DIP2C: variants seen among roughly 807,000 people sequenced by gnomAD.
The protein encoded by DIP2C is disco-interacting protein 2 homolog C.
DIP2C carries 33 observed loss-of-function variants against 192.4 expected under a neutral mutation model. The ratio of observed to expected loss-of-function variants is 0.17; its 90% confidence interval spans 0.13 to 0.23. The LOEUF (loss-of-function observed/expected upper bound fraction) is 0.23. Ranked by LOEUF, DIP2C falls within the 10% of genes least tolerant of loss-of-function variation. DIP2C has a pLI of 1.00. For synonymous variants in DIP2C, 979 were observed against 864.1 expected (o/e 1.13, Z -2.33); for missense variants, 1,537 against 2,110.1 (o/e 0.73, Z 5.32).
chr10:614,621 C>A (rs1304737091), intron 1 of DIP2C, among the ~76,000 whole-genome samples: 1 of 152,268 alleles, frequency 6.6e-6, no homozygotes, highest in Non-Finnish European at 1.5e-5. Context: ...CCACCTACAG[C>A]TGCTGAGCCC....
intron 1 of DIP2C, among the ~76,000 whole-genome samples, chr10:578,525 A>G (rs1455770762): frequency 6.6e-6 from 1 of 152,228 alleles, no homozygotes; most frequent in Non-Finnish European, 1.5e-5. Flanking sequence ...GAACACACAC[A>G]TCAAGGAAGT....
rs1380557732 is a variant in DIP2C at position 414,911 on chromosome 10, T to A, written c.860-801A>T. Among the ~76,000 whole-genome samples, 139 of 96,788 alleles carry A rather than the reference T, an allele frequency of 1.4e-3. 6 individuals carry two copies. Among genetic ancestry groups the A allele is most frequent in the African/African-American group, 4.4e-3 (100 of 22,980 alleles). 63.5% of individuals were successfully genotyped at this position (96,788 alleles called of 152,430 possible). A position where few individuals can be genotyped will look rare whatever the true frequency, so the allele number is the denominator to read the frequency against. On this transcript the variant is annotated intron_variant, in intron 7 of 36. Transcript: ENST00000280886. ...GTGTGTATATATATATATATATTTT[T>A]TTTTTTTTTTGGTAGAGACAGGGTT...
intron 8 of DIP2C, among the ~76,000 whole-genome samples, chr10:411,761 C>A (rs948968767): frequency 6.6e-6 from 1 of 152,196 alleles, no homozygotes; most frequent in Non-Finnish European, 1.5e-5. Flanking sequence ...AATTCTCATT[C>A]GACGAGCTTG....
chr10:389,552 T>C (rs545079456), intron 13 of DIP2C, among the ~76,000 whole-genome samples: 1 of 152,284 alleles, frequency 6.6e-6, no homozygotes, highest in East Asian at 1.9e-4. Context: ...CACCCAGGGA[T>C]GAAGCTCCAC....
chr10:605,764 G>A (rs1208130777), intron 1 of DIP2C, among the ~76,000 whole-genome samples: 1 of 152,218 alleles, frequency 6.6e-6, no homozygotes, highest in Non-Finnish European at 1.5e-5. Flanking sequence ...CAATAAAAAT[G>A]CCTTCTCAGG....
At chr10:528,839 G>A (rs1035501823) in intron 1 of DIP2C, among the ~76,000 whole-genome samples, 7 of 152,282 alleles carry the variant, frequency 4.6e-5, no homozygotes, top group African/African-American at 1.7e-4. Flanking sequence ...CGTGGGGCTG[G>A]CGTCCAGGCA....
At chr10:564,318 C>T (rs779296065) in intron 1 of DIP2C, among the ~76,000 whole-genome samples, 1 of 152,076 alleles carries the variant, frequency 6.6e-6, no homozygotes, top group Non-Finnish European at 1.5e-5. Context: ...CCCACAGCTC[C>T]ATCTCCTCAA....
At chr10:447,671 A>G (rs376200153) in intron 3 of DIP2C, among the ~76,000 whole-genome samples, 3,205 of 102,874 alleles carry the variant, frequency 0.031, 107 homozygotes, top group African/African-American at 0.15. Context: ...AATCACCCCC[A>G]TTGATATTCA....
rs533559623 is a variant in DIP2C at position 410,865 on chromosome 10, G to A, written c.1058-1848C>T. ...ACTTCTCAAAGAGAAAAGGCAGGAAGTTAAGCTGCTGATATAAAGATACAG... is the reference window on the plus strand; with the variant it reads ...ACTTCTCAAAGAGAAAAGGCAGGAAATTAAGCTGCTGATATAAAGATACAG... On this transcript the variant is annotated intron_variant, in intron 8 of 36. Coordinates refer to ENST00000280886, the MANE Select transcript of DIP2C (RefSeq NM_014974.3). 2.6e-5 allele frequency among the ~76,000 whole-genome samples: 4 copies of A among 152,354 alleles called. 1 individual carries two copies. In the South Asian group the frequency reaches 8.3e-4, roughly 32 times the overall value.
chr10:596,210 T>C (rs927710872), intron 1 of DIP2C, among the ~76,000 whole-genome samples: 2 of 152,110 alleles, frequency 1.3e-5, no homozygotes, highest in Admixed American at 6.5e-5. Flanking sequence ...TTATAAATGA[T>C]AAAAAATGAT....
intron 4 of DIP2C, among the ~76,000 whole-genome samples, chr10:424,710 T>C (rs972091313): frequency 9.9e-5 from 15 of 152,124 alleles, no homozygotes; most frequent in African/African-American, 3.6e-4. Flanking sequence ...AAAAGTAAAA[T>C]TGACACAGCC....
chr10:565,342 G>A (rs1379219842), intron 1 of DIP2C, among the ~76,000 whole-genome samples: 1 of 114,904 alleles, frequency 8.7e-6, no homozygotes, highest in Non-Finnish European at 1.7e-5. Flanking sequence ...ATATGAAACA[G>A]TACCTGCATT....
intron 28 of DIP2C, among the ~76,000 whole-genome samples, chr10:342,560 G>A (rs779620147): frequency 1.1e-4 from 17 of 152,156 alleles, no homozygotes; most frequent in South Asian, 2.1e-4. Context: ...CTATCTCCAC[G>A]GCTGGACATA....
In DIP2C at chr10:618,202, GATA is replaced by G. The variant is rs767096560; in HGVS notation, c.85+71289_85+71291del. The stretch of plus-strand genomic sequence containing the variant: ...GTTGTAAAGCCTCATGCATTTTTCT[GATA>G]ATATTTTCTTATGTATGGTCAAATG... On this transcript the variant is annotated intron_variant, in intron 1 of 36. Coordinates refer to ENST00000280886, the MANE Select transcript of DIP2C (RefSeq NM_014974.3). Among the ~76,000 whole-genome samples the G allele has an allele frequency of 7.3e-4, 111 of 152,328 alleles. 2 individuals carry two copies. The highest frequency in any genetic ancestry group is 1.2e-3 in the African/African-American group (49 of 41,584).
intron 28 of DIP2C, 150 bp downstream of exon 28, chr10:344,659 T>G (rs1486529757): frequency 3.0e-6 from 2 of 667,498 alleles, no homozygotes; most frequent in East Asian, 5.4e-5. Flanking sequence ...TGGTCATACG[T>G]GTCATACCGT....
rs1231113990 is a variant in DIP2C, at chr10:275,974, T to C, written c.*1351A>G. On this transcript the variant is annotated 3_prime_UTR_variant, in exon 37 of 37. Transcript: ENST00000280886. Reference sequence around the variant, plus strand: ...CTTAAGACGAGGGGACGATCACCGATGTGAGTTCCGGACACTTTGTCCACT... The same window carrying C: ...CTTAAGACGAGGGGACGATCACCGACGTGAGTTCCGGACACTTTGTCCACT... The C allele has an allele frequency of 6.6e-6, 1 of 152,232 alleles. No homozygotes were observed. The highest frequency in any genetic ancestry group is 1.5e-5 in the Non-Finnish European group (1 of 68,060). The allele number at this position is 152,232 out of a possible 1,614,324, so 9.4% of individuals were successfully genotyped here.
rs758929981 is a variant in DIP2C, at chr10:422,978, G to A, written c.450C>T (p.Thr150=). 4 of 1,614,012 alleles carry A rather than the reference G, an allele frequency of 2.5e-6. No homozygotes were observed. Among genetic ancestry groups the A allele is most frequent in the African/African-American group, 2.7e-5 (2 of 74,930 alleles). Reference sequence around the variant, plus strand: ...TGATGCTGCCCTGGCTGGAGGTGGGGGTGCCCTGGGAGTCCCCCTGCACTG... The same window carrying A: ...TGATGCTGCCCTGGCTGGAGGTGGGAGTGCCCTGGGAGTCCCCCTGCACTG... ...EGSVQGDSQG[T]PTSSQGSINM... is the part of the protein sequence containing the mutation. Residue 150 remains threonine, a synonymous_variant, in exon 5 of 37, where the codon ACC becomes ACT. Transcript: ENST00000280886.
At chr10:620,513 A>T (rs540096935) in intron 1 of DIP2C, among the ~76,000 whole-genome samples, 4 of 152,240 alleles carry the variant, frequency 2.6e-5, no homozygotes, top group Non-Finnish European at 1.5e-5. Flanking sequence ...CCGTCGTACT[A>T]AAGAAAAGTC....
chr10:321,326 G>A (rs921284590), intron 31 of DIP2C, among the ~76,000 whole-genome samples: 2 of 152,204 alleles, frequency 1.3e-5, no homozygotes, highest in African/African-American at 4.8e-5. Flanking sequence ...CATGAACTGT[G>A]CAGCTCAGCC....
Sources: gnomAD v4.1 joint callset for allele counts (sites outside exome capture counted in the v4.1 genomes callset) on GRCh38, gnomAD v4.1.1 for gene constraint, MANE v1.5 for transcripts, NCBI Gene and HGNC (gene_info 2026-07-23, HGNC 2026-07-21) for gene names.